DHRS12: variants seen among roughly 807,000 people sequenced by gnomAD.
The protein encoded by DHRS12 is dehydrogenase/reductase 12.
In DHRS12, 29 loss-of-function variants were observed where a neutral mutation model predicts 32.1. The observed-to-expected ratio is 0.90, with a 90% CI of 0.67 to 1.23. DHRS12 has a LOEUF of 1.23. DHRS12 is among the 50% of genes most tolerant of loss of function. The probability of loss-of-function intolerance (pLI) is 0.00; values close to 1 mark genes in which losing one functional copy is unlikely to be tolerated. For missense variants in DHRS12, 330 were observed against 337.2 expected (o/e 0.98, Z 0.17); for synonymous variants, 150 against 135.9 (o/e 1.10, Z -0.72).
At chr13:51,761,909 C>G in the DHRS12 span, 1 of 152,280 alleles carries the variant, frequency 6.6e-6, no homozygotes, top group African/African-American at 2.4e-5. Flanking sequence ...CTTGTCGCCT[C>G]GCTGCCCTGG....
rs1954757498 is a variant in DHRS12, at chr13:51,782,439, G to A, written c.302-5318C>T. Among the ~76,000 whole-genome samples the A allele has an allele frequency of 6.6e-6, 1 of 152,172 alleles. No individual in the cohort carries two copies. The highest frequency in any genetic ancestry group is 2.1e-4 in the South Asian group (1 of 4,818). On this transcript the variant is annotated intron_variant, in intron 4 of 8. Transcript: ENST00000444610. The surrounding 1 kb of genome is among the most constrained non-coding windows in gnomAD (Gnocchi z 4.2). ...GGTGGCTTGGAGGCCATCGCGCTAT[G>A]GGAGCACGGACAGCTGTGCCCAGTG...
At chr13:51,803,707 G>A (rs1469176085) in intron 1 of DHRS12, 3 of 203,468 alleles carry the variant, frequency 1.5e-5, no homozygotes, top group Non-Finnish European at 2.9e-5. Context: ...GCACCACGAA[G>A]ACACTTCCAC....
At chr13:51,778,580 G>A (rs78318679) in intron 4 of DHRS12, among the ~76,000 whole-genome samples, 2,792 of 152,244 alleles carry the variant, frequency 0.018, 84 homozygotes, top group African/African-American at 0.061. Flanking sequence ...TTGCCCTGAC[G>A]GATTGTCATA....
intron 2 of DHRS12, among the ~76,000 whole-genome samples, chr13:51,792,165 G>A (rs998642134): frequency 1.3e-5 from 2 of 152,128 alleles, no homozygotes; most frequent in Non-Finnish European, 2.9e-5. Flanking sequence ...ATTTTTTGAG[G>A]AACCTCCATA....
At chr13:51,776,049 CCTA>C (rs1381674084) in intron 5 of DHRS12, 1 of 120,594 alleles carries the variant, frequency 8.3e-6, no homozygotes, top group African/African-American at 3.7e-5. Context: ...ACAGTATTCT[CCTA>C]CATGTATTCT....
intron 4 of DHRS12, among the ~76,000 whole-genome samples, chr13:51,784,383 G>C (rs555518842): frequency 6.6e-6 from 1 of 152,180 alleles, no homozygotes; most frequent in Non-Finnish European, 1.5e-5. Flanking sequence ...TTCCAGGCAG[G>C]GGAGCAGCAG....
At chr13:51,778,137 G>A (rs980305198) in intron 4 of DHRS12, among the ~76,000 whole-genome samples, 4 of 152,220 alleles carry the variant, frequency 2.6e-5, no homozygotes, top group Admixed American at 6.5e-5. Context: ...TCTGAACCCT[G>A]GCTCTGGCAC....
chr13:51,793,302 T>C (rs996329437), intron 2 of DHRS12, among the ~76,000 whole-genome samples: 3 of 152,196 alleles, frequency 2.0e-5, no homozygotes, highest in African/African-American at 7.2e-5. Flanking sequence ...GACTTATCAC[T>C]AACCCAAGGC....
intron 4 of DHRS12, among the ~76,000 whole-genome samples, chr13:51,787,160 T>A (rs1283894679): frequency 6.6e-6 from 1 of 152,222 alleles, no homozygotes; most frequent in Non-Finnish European, 1.5e-5. Flanking sequence ...GAGGTTGGAA[T>A]AATCAGTAAG....
chr13:51,766,167 G>C (rs918085464), downstream of DHRS12: 1 of 152,226 alleles, frequency 6.6e-6, no homozygotes, highest in African/African-American at 2.4e-5. Context: ...TTATGGATTT[G>C]TGTCTTACAC....
At chr13:51,772,903 G>C in intron 6 of DHRS12, 2 of 985,466 alleles carry the variant, frequency 2.0e-6, no homozygotes, top group Non-Finnish European at 2.4e-6. Context: ...GCAAAACTGG[G>C]GCACACCCAG....
chr13:51,771,264 A>G, intron 7 of DHRS12: 1 of 1,552,712 alleles, frequency 6.4e-7, no homozygotes, highest in Non-Finnish European at 8.7e-7. Context: ...GTAGAGGAGG[A>G]AAGAGCTGCA....
intron 3 of DHRS12, 75 bp downstream of exon 3, chr13:51,791,090 A>C (rs942594360): frequency 6.8e-5 from 68 of 997,950 alleles, no homozygotes; most frequent in Non-Finnish European, 9.5e-5. Flanking sequence ...GCAAACATAC[A>C]TATCCGTCCA....
At chr13:51,770,928 A>G in intron 7 of DHRS12, 1 of 1,257,434 alleles carries the variant, frequency 8.0e-7, no homozygotes, top group Non-Finnish European at 1.0e-6. Context: ...GCACTGTGAT[A>G]AGCAACCTTG....
intron 2 of DHRS12, among the ~76,000 whole-genome samples, chr13:51,791,663 C>T (rs1039679130): frequency 6.6e-6 from 1 of 152,144 alleles, no homozygotes; most frequent in East Asian, 1.9e-4. Context: ...AAATTTCCAG[C>T]ATGCTGACTA....
intron 2 of DHRS12, chr13:51,797,789 C>CAAGG (rs768170442): frequency 6.5e-7 from 1 of 1,530,764 alleles, no homozygotes; most frequent in South Asian, 1.2e-5. Flanking sequence ...ACCATGGAGG[C>CAAGG]AAGGAAACCC....
Position 51,773,944 on chromosome 13 carries a change from A to G in DHRS12, c.454T>C (p.Tyr152His). The G allele has an allele frequency of 2.5e-6, 4 of 1,614,040 alleles. No homozygotes were observed. The highest frequency in any genetic ancestry group is 3.4e-6 in the Non-Finnish European group (4 of 1,179,900). The change falls in exon 6 of 9, where the codon TAT becomes CAT. Residue 152 changes from tyrosine to histidine, a missense_variant. Tyr to His is a moderately conservative substitution (Grantham distance 83, BLOSUM62 2). Transcript: ENST00000444610. ...ACCTCACTGACCTTGTTTTGTGCATAGACCATAGTTCCATCAAATGGTGTT... is the reference window on the plus strand; with the variant it reads ...ACCTCACTGACCTTGTTTTGTGCATGGACCATAGTTCCATCAAATGGTGTT... ...ERTPFDGTMV[Y>H]AQNKRQQVVL...
At position 51,799,580 on chromosome 13, in the gene DHRS12, T is replaced by G; in HGVS notation, c.80A>C (p.Glu27Ala). The G allele has an allele frequency of 6.2e-7, 1 of 1,614,136 alleles. No homozygotes were observed. The highest frequency in any genetic ancestry group is 1.7e-4 in the Middle Eastern group (1 of 6,024). Residue 27 changes from glutamate (E) to alanine (A), a missense_variant, in exon 2 of 9, where the codon GAA becomes GCA. Glu to Ala is a moderately radical substitution (Grantham distance 107, BLOSUM62 -1). Coordinates refer to ENST00000444610, the MANE Select transcript of DHRS12 (RefSeq NM_001377533.1). Reference sequence around the variant, plus strand: ...CAGTTGCTTTGCCAATGCCGCTGTTTCCTCCAGTGACCAAAAAGACTCTTC... The same window carrying G: ...CAGTTGCTTTGCCAATGCCGCTGTTGCCTCCAGTGACCAAAAAGACTCTTC... ...FLEESFWSLE[E>A]TAALAKQLPL...
chr13:51,775,938 CTACAG>C (rs1427942133), intron 5 of DHRS12: 1 of 136,400 alleles, frequency 7.3e-6, no homozygotes, highest in Non-Finnish European at 1.6e-5. Flanking sequence ...TACATGTACT[CTACAG>C]TATTCTCCTA....
Sources: gnomAD v4.1 joint callset for allele counts (sites outside exome capture counted in the v4.1 genomes callset) on GRCh38, gnomAD v4.1.1 for gene constraint, Gnocchi (gnomAD v3.1) non-coding constraint, MANE v1.5 for transcripts, NCBI Gene and HGNC (gene_info 2026-07-23, HGNC 2026-07-21) for gene names.